The following DOP1B variants were observed in gnomAD, a reference collection of about 807,000 sequenced individuals.
DOP1B encodes the protein protein DOP1B.
Under a neutral mutation model 233.5 loss-of-function variants are expected in DOP1B, and 174 were observed. The ratio of observed to expected loss-of-function variants is 0.75; its 90% CI spans 0.66 to 0.85. The LOEUF is 0.85. Among genes scored for constraint, DOP1B ranks in the 40% least tolerant of loss-of-function variants. DOP1B has a pLI of 0.00. For missense variants in DOP1B, 2,652 were observed against 2,846.6 expected (o/e 0.93, Z 1.56); for synonymous variants, 1,190 against 1,185.6 (o/e 1.00, Z -0.08).
chr21:36,278,134 T>C, intron 29 of DOP1B, 50 bp downstream of exon 29: 1 of 1,613,556 alleles, frequency 6.2e-7, no homozygotes, highest in Non-Finnish European at 8.5e-7. Context: ...AAAAATATGT[T>C]TTCACAAATG....
intron 27 of DOP1B, among the ~76,000 whole-genome samples, chr21:36,271,358 C>T (rs954210573): frequency 6.6e-6 from 1 of 150,990 alleles, no homozygotes; most frequent in Non-Finnish European, 1.5e-5. Flanking sequence ...ACTGCAACCT[C>T]CGCCTCCCTG....
intron 2 of DOP1B, among the ~76,000 whole-genome samples, chr21:36,194,702 G>C (rs1187646752): frequency 6.6e-5 from 10 of 151,952 alleles, no homozygotes; most frequent in Admixed American, 3.3e-4. Flanking sequence ...GGCCAGGCTG[G>C]TCTCAAACTC....
intron 7 of DOP1B, among the ~76,000 whole-genome samples, chr21:36,213,866 A>G (rs553599233): frequency 6.6e-6 from 1 of 152,152 alleles, no homozygotes; most frequent in Non-Finnish European, 1.5e-5. Context: ...AGAACAAACT[A>G]AATTGATACC....
At chr21:36,217,614 T>C (rs2066575543) in intron 9 of DOP1B, among the ~76,000 whole-genome samples, 1 of 152,224 alleles carries the variant, frequency 6.6e-6, no homozygotes, top group Non-Finnish European at 1.5e-5. Context: ...TCGTCATTCT[T>C]AACGAAAGTC....
At chr21:36,286,641 C>CACACAG (rs2067486970) in intron 32 of DOP1B, among the ~76,000 whole-genome samples, 1 of 5,566 alleles carries the variant, frequency 1.8e-4, no homozygotes, top group African/African-American at 3.3e-3. Flanking sequence ...ATCTCAAAAA[C>CACACAG]ACACACACAC....
rs558194257 is a variant in DOP1B at position 36,277,055 on chromosome 21, C to T, written c.5667C>T (p.Ser1889=). 70 of 1,614,090 alleles carry T rather than the reference C, an allele frequency of 4.3e-5. 4 individuals carry two copies. In the South Asian group the frequency reaches 5.5e-4, roughly 13 times the overall value. ...CAGCTTCAGCAATGGTGTCTTCATC[C>T]GCCCCGTCGGTGTACAGCGTGCAAG... The part of the protein sequence containing the change: ...AAAASAMVSS[S]APSVYSVQAL... Residue 1889 remains serine (S), a synonymous_variant, in exon 28 of 37, where the codon TCC becomes TCT. Transcript: ENST00000691173.
intron 24 of DOP1B, chr21:36,262,019 G>A: frequency 1.0e-6 from 1 of 954,372 alleles, no homozygotes; most frequent in Non-Finnish European, 1.2e-6. Context: ...CCAACAACCA[G>A]GCACAGGCTC....
chr21:36,182,519 G>A (rs1601389451), intron 2 of DOP1B, among the ~76,000 whole-genome samples: 1 of 148,462 alleles, frequency 6.7e-6, no homozygotes, highest in African/African-American at 2.6e-5. Flanking sequence ...ACACTGCCAC[G>A]ACAGGGAAAG....
chr21:36,271,280 CACCCAGGTTGGAGTTCACCCA>C (rs1327759880), intron 27 of DOP1B, among the ~76,000 whole-genome samples: 2 of 142,878 alleles, frequency 1.4e-5, no homozygotes, highest in African/African-American at 5.4e-5. Flanking sequence ...GGTTGGAGTT[CACCCAGGTTGGAGTTCACCCA>C]GGTTGGAGTT....
At chr21:36,279,247 CA>C (rs980963321) in intron 30 of DOP1B, among the ~76,000 whole-genome samples, 99 of 138,498 alleles carry the variant, frequency 7.1e-4, no homozygotes, top group East Asian at 1.7e-3. Context: ...CCCATCTCTA[CA>C]AAAAAAAAAA....
intron 12 of DOP1B, among the ~76,000 whole-genome samples, chr21:36,227,419 C>T (rs746227037): frequency 8.6e-5 from 13 of 150,802 alleles, no homozygotes; most frequent in South Asian, 6.3e-4. Context: ...TGGTGGTGGG[C>T]ACCTGTAGTC....
intron 30 of DOP1B, 71 bp from the exon 31 acceptor site, chr21:36,280,214 T>C: frequency 8.5e-7 from 1 of 1,170,962 alleles, no homozygotes; most frequent in East Asian, 2.4e-5. Flanking sequence ...GGATATGTTA[T>C]TTTCTTAATG....
intron 2 of DOP1B, among the ~76,000 whole-genome samples, chr21:36,172,665 G>A (rs1185144615): frequency 6.6e-6 from 1 of 152,176 alleles, no homozygotes; most frequent in Non-Finnish European, 1.5e-5. Context: ...GAAGCCTGAG[G>A]TGGGAGGATC....
chr21:36,271,673 G>A (rs551626143), intron 27 of DOP1B, among the ~76,000 whole-genome samples: 5 of 152,150 alleles, frequency 3.3e-5, no homozygotes, highest in East Asian at 1.9e-4. Context: ...CCCTTAGCTG[G>A]TGTCCCACCA....
intron 10 of DOP1B, 39 bp from the exon 11 acceptor site, chr21:36,223,192 T>G (rs777365518): frequency 6.5e-7 from 1 of 1,532,014 alleles, no homozygotes; most frequent in Non-Finnish European, 8.7e-7. Flanking sequence ...TTCAGGATTT[T>G]TTTATAGACA....
At chr21:36,240,745 TAATATCTA>T (rs2066883788) in intron 18 of DOP1B, among the ~76,000 whole-genome samples, 1 of 152,212 alleles carries the variant, frequency 6.6e-6, no homozygotes, top group South Asian at 2.1e-4. Context: ...CTTCAGTGAT[TAATATCTA>T]ATGCATTTTA....
At position 36,260,698 on chromosome 21, in the gene DOP1B, C is replaced by G. The variant is rs779557556; in HGVS notation, c.5281C>G (p.Pro1761Ala). ...GDEKSPLVDI[P>A]VLQFCYAFLQ... ...TCAGAAATCGCCCCTAGTGGACATT[C>G]CTGTGTTGCAGTTTTGCTATGCTTT... Residue 1761 changes from proline to alanine, a missense_variant, in exon 24 of 37, where the codon CCT (proline) becomes GCT (alanine). By Grantham distance (27) the Pro-to-Ala change is conservative. Coordinates refer to ENST00000691173, the MANE Select transcript of DOP1B (RefSeq NM_001320714.2). The G allele has an allele frequency of 4.3e-6, 7 of 1,614,120 alleles. No individual in the cohort carries two copies. The highest frequency in any genetic ancestry group is 1.3e-5 in the African/African-American group (1 of 75,044).
At chr21:36,253,965 A>G (rs2123614632) in intron 23 of DOP1B, 56 bp downstream of exon 23, 3 of 1,583,730 alleles carry the variant, frequency 1.9e-6, no homozygotes, top group Middle Eastern at 1.9e-4. Context: ...GGCATTTGTC[A>G]TAACTCTACT....
At chr21:36,225,494 G>T in intron 11 of DOP1B, 71 bp from the exon 12 acceptor site, 1 of 1,561,268 alleles carries the variant, frequency 6.4e-7, no homozygotes, top group South Asian at 1.1e-5. Flanking sequence ...GCCTCCCAAA[G>T]TGTTAAGATT....
Sources: gnomAD v4.1 joint callset for allele counts (sites outside exome capture counted in the v4.1 genomes callset) on GRCh38, gnomAD v4.1.1 for gene constraint, MANE v1.5 for transcripts, NCBI Gene and HGNC (gene_info 2026-07-23, HGNC 2026-07-21) for gene names.